CATSPERE: variants seen among roughly 807,000 people sequenced by gnomAD.
CATSPERE encodes catsper channel auxiliary subunit epsilon.
In CATSPERE, 93 loss-of-function variants were observed where a neutral mutation model predicts 114.1. That is an observed-to-expected ratio of 0.81 (90% CI 0.69 to 0.97). The LOEUF (loss-of-function observed/expected upper bound fraction) is 0.97, where lower values mean the gene tolerates loss of function less well. Ranked by LOEUF, CATSPERE falls within the 50% of genes least tolerant of loss-of-function variation. The probability of loss-of-function intolerance (pLI) is 0.00; values close to 1 mark genes in which losing one functional copy is unlikely to be tolerated. For synonymous variants in CATSPERE, 341 were observed against 384.1 expected, an observed-to-expected ratio of 0.89 and a Z score of 1.31; for missense variants, 1,058 against 1,131.6, an observed-to-expected ratio of 0.93 and a Z score of 0.93.
At chr1:244,598,559 C>T (rs1267122280) in intron 17 of CATSPERE, 2 of 255,998 alleles carry the variant, frequency 7.8e-6, no homozygotes, top group Non-Finnish European at 8.0e-6. Context: ...ATCCAGCCAC[C>T]TCACCTGTCT....
intron 8 of CATSPERE, among the ~76,000 whole-genome samples, chr1:244,535,685 C>T (rs1478104856): frequency 6.6e-6 from 1 of 152,072 alleles, no homozygotes; most frequent in African/African-American, 2.4e-5. Context: ...CAAGTCAAGT[C>T]TAAAAATGCT....
At chr1:244,484,846 T>C (rs989043901) in intron 5 of CATSPERE, among the ~76,000 whole-genome samples, 2 of 152,212 alleles carry the variant, frequency 1.3e-5, no homozygotes, top group Non-Finnish European at 2.9e-5. Flanking sequence ...AATTTCTCAG[T>C]ATTCATGCCT....
intron 6 of CATSPERE, among the ~76,000 whole-genome samples, chr1:244,492,124 T>A (rs1389070267): frequency 1.3e-5 from 2 of 151,954 alleles, no homozygotes; most frequent in African/African-American, 2.4e-5. Context: ...TACCAAAGCC[T>A]GGCAGAGACA....
In CATSPERE at chr1:244,559,292, G is replaced by A. The variant is rs544230905; in HGVS notation, c.1030-1376G>A. Among the ~76,000 whole-genome samples, 7 of 152,142 alleles carry A rather than the reference G, an allele frequency of 4.6e-5. No homozygotes were observed. In the East Asian group the frequency reaches 1.2e-3, roughly 25 times the overall value. ...AGCAACATAAGTTCTATACTTTAAC[G>A]TGAATCCACATTTAGCAAAATGACC... On this transcript the variant is annotated intron_variant, in intron 9 of 21. Coordinates refer to ENST00000366534, the MANE Select transcript of CATSPERE (RefSeq NM_001130957.2).
At position 244,566,652 on chromosome 1, in the gene CATSPERE, C is replaced by CTTTTTTTTTTTTTTTTTTT. The variant is rs59466928; in HGVS notation, c.1507+5524_1507+5542dup. Among the ~76,000 whole-genome samples the CTTTTTTTTTTTTTTTTTTT allele has an allele frequency of 6.1e-4, 30 of 49,098 alleles. 6 individuals are homozygous for CTTTTTTTTTTTTTTTTTTT. The highest frequency in any genetic ancestry group is 1.1e-3 in the Non-Finnish European group (15 of 14,270). 32.2% of individuals were successfully genotyped at this position (49,098 alleles called of 152,430 possible). On this transcript the variant is annotated intron_variant, in intron 10 of 21. Transcript: ENST00000366534. ...TCAGAGACTAGGATTGCAACCCCTGCTTTTTTTTTTTTTTTTTTTTTTTTT... is the reference window on the plus strand; with the variant it reads ...TCAGAGACTAGGATTGCAACCCCTGCTTTTTTTTTTTTTTTTTTTTTTTTTTTTTTTTTTTTTTTTTTTT...
At chr1:244,492,948 A>T (rs1282733125) in intron 6 of CATSPERE, among the ~76,000 whole-genome samples, 11 of 151,208 alleles carry the variant, frequency 7.3e-5, no homozygotes, top group Admixed American at 3.3e-4. Flanking sequence ...ATAAAAGAGG[A>T]TACAAAGAAA....
chr1:244,451,759 C>G (rs756788957), upstream of CATSPERE: 1 of 1,600,602 alleles, frequency 6.2e-7, no homozygotes, highest in South Asian at 1.1e-5. This position sits in a 1 kb window ranked among gnomAD's most constrained non-coding sequence, Gnocchi z 6.6. Context: ...CGCCCTGGGG[C>G]GGCCGCAATC....
intron 5 of CATSPERE, among the ~76,000 whole-genome samples, chr1:244,481,671 G>A (rs1263909784): frequency 1.3e-5 from 2 of 152,036 alleles, no homozygotes; most frequent in Non-Finnish European, 2.9e-5. Context: ...CGATGTGATG[G>A]TATCTGAAGG....
chr1:244,543,255 AAAG>A (rs1220249438), intron 8 of CATSPERE, among the ~76,000 whole-genome samples: 4 of 152,194 alleles, frequency 2.6e-5, no homozygotes, highest in African/African-American at 7.2e-5. Flanking sequence ...ATGCATGGAT[AAAG>A]AAGATGTGAT....
At chr1:244,514,842 A>AC (rs1359396529) in intron 7 of CATSPERE, among the ~76,000 whole-genome samples, 2 of 151,118 alleles carry the variant, frequency 1.3e-5, no homozygotes, top group African/African-American at 4.9e-5. Flanking sequence ...AAAAAAAAAA[A>AC]AAAAAAAAGA....
chr1:244,553,397 A>C (rs559124690), intron 9 of CATSPERE, among the ~76,000 whole-genome samples: 3 of 151,648 alleles, frequency 2.0e-5, no homozygotes, highest in Non-Finnish European at 4.4e-5. Flanking sequence ...AAAATACAAA[A>C]AATTAGCTGG....
At chr1:244,578,005 T>C (rs1198263455) in intron 11 of CATSPERE, among the ~76,000 whole-genome samples, 1 of 152,238 alleles carries the variant, frequency 6.6e-6, no homozygotes, top group Admixed American at 6.5e-5. Context: ...ATTGATAATG[T>C]ACCAAAATAA....
At chr1:244,621,159 T>TAG (rs1385192622) in intron 20 of CATSPERE, among the ~76,000 whole-genome samples, 35 of 71,492 alleles carry the variant, frequency 4.9e-4, no homozygotes, top group South Asian at 1.6e-3. Flanking sequence ...TTATAAAATA[T>TAG]ATATATTATA....
intron 11 of CATSPERE, among the ~76,000 whole-genome samples, chr1:244,577,118 A>C (rs1392947300): frequency 1.3e-5 from 2 of 151,942 alleles, no homozygotes; most frequent in Non-Finnish European, 2.9e-5. Context: ...AAACTCTAGA[A>C]TTTTATAATT....
Position 244,549,431 on chromosome 1 carries a change from A to G in CATSPERE, c.537-2891A>G, listed in dbSNP as rs1660259312. Among the ~76,000 whole-genome samples, 3 of 118,588 alleles carry G rather than the reference A, an allele frequency of 2.5e-5. No individual in the cohort carries two copies. In the South Asian group the frequency reaches 6.9e-4, roughly 27 times the overall value. The allele number at this position is 118,588 out of a possible 152,430, so 77.8% of individuals were successfully genotyped here. On this transcript the variant is annotated intron_variant, in intron 8 of 21. Coordinates refer to ENST00000366534, the MANE Select transcript of CATSPERE (RefSeq NM_001130957.2). ...CATTTGTGTGTATGTCTATATATAT[A>G]TATAGACACACACACATATATTAAA... is the stretch of plus-strand genomic sequence containing the variant.
chr1:244,461,385 G>T lies in CATSPERE; in HGVS notation c.-45G>T. On this transcript the variant is annotated 5_prime_UTR_variant, in exon 1 of 22. Coordinates refer to ENST00000366534, the MANE Select transcript of CATSPERE (RefSeq NM_001130957.2). The stretch of plus-strand genomic sequence containing the variant: ...CGTCCCACGGGAATGCGCGAGGCCT[G>T]GACGGGAGTGGCCGAGGCGGTTGGG... 1 of 1,327,502 alleles carries T rather than the reference G, an allele frequency of 7.5e-7. No individual in the cohort carries two copies. The highest frequency in any genetic ancestry group is 3.8e-5 in the Admixed American group (1 of 26,592). The allele number at this position is 1,327,502 out of a possible 1,614,324, so 82.2% of individuals were successfully genotyped here. A position where few individuals can be genotyped will look rare whatever the true frequency, so the allele number is the denominator to read the frequency against.
chr1:244,451,625 G>A (rs1441472059), upstream of CATSPERE: 12 of 1,604,678 alleles, frequency 7.5e-6, no homozygotes, highest in Non-Finnish European at 1.0e-5. The surrounding 1 kb of genome is among the most constrained non-coding windows in gnomAD (Gnocchi z 6.6). Context: ...GAGAGGCCCC[G>A]TCGCCTCACC....
intron 20 of CATSPERE, among the ~76,000 whole-genome samples, chr1:244,625,587 C>T (rs1673083838): frequency 6.7e-6 from 1 of 149,544 alleles, no homozygotes; most frequent in Non-Finnish European, 1.5e-5. Context: ...TGCCACCATG[C>T]CCGGCTAATT....
At chr1:244,489,301 C>T in intron 5 of CATSPERE, among the ~76,000 whole-genome samples, 1 of 151,986 alleles carries the variant, frequency 6.6e-6, no homozygotes, top group South Asian at 2.1e-4. Context: ...AAGGATTTGT[C>T]ATGCTAAAAG....
Sources: gnomAD v4.1 joint callset for allele counts (sites outside exome capture counted in the v4.1 genomes callset) on GRCh38, gnomAD v4.1.1 for gene constraint, Gnocchi (gnomAD v3.1) non-coding constraint, MANE v1.5 for transcripts, NCBI Gene and HGNC (gene_info 2026-07-23, HGNC 2026-07-21) for gene names.